The following LANCL2 variants were observed in gnomAD, a reference collection of about 807,000 sequenced individuals.
The protein encoded by LANCL2 is lanC-like protein 2.
In LANCL2, 33 loss-of-function variants were observed where a neutral mutation model predicts 56.9. That is an observed-to-expected ratio of 0.58 (90% CI 0.44 to 0.78). The LOEUF is 0.78. Ranked by LOEUF, LANCL2 falls within the 30% of genes least tolerant of loss-of-function variation. The probability of loss-of-function intolerance (pLI) is 0.00; values close to 1 mark genes in which losing one functional copy is unlikely to be tolerated. For synonymous variants in LANCL2, 233 were observed against 228.2 expected (o/e 1.02, Z -0.19); for missense variants, 562 against 580.2 (o/e 0.97, Z 0.32).
chr7:55,400,053 C>G lies in LANCL2; in HGVS notation c.627C>G (p.Tyr209Ter). ...GRAGYLYALL[Y>*]LNTEIGPGTV... ...CAGGTTATCTGTATGCCTTACTGTACCTGAACACAGAGATAGGTCCAGGCA... is the reference window on the plus strand; with the variant it reads ...CAGGTTATCTGTATGCCTTACTGTAGCTGAACACAGAGATAGGTCCAGGCA... The change falls in exon 4 of 9, where the codon TAC becomes TAG. Residue 209 changes from tyrosine to a stop codon, truncating the protein, a stop_gained. Coordinates refer to ENST00000254770, the MANE Select transcript of LANCL2 (RefSeq NM_018697.4). LOFTEE classifies it high-confidence loss of function. 6.2e-7 allele frequency: 1 copy of G among 1,613,358 alleles called. No individual in the cohort carries two copies.
At chr7:55,425,532 C>T in intron 7 of LANCL2, 102 bp downstream of exon 7, 3 of 1,098,744 alleles carry the variant, frequency 2.7e-6, no homozygotes, top group African/African-American at 3.1e-5. Flanking sequence ...ACCTGTTTCT[C>T]CCAGTTCTGT....
At chr7:55,431,202 G>A in intron 8 of LANCL2, 24 bp from the exon 9 acceptor site, 1 of 1,564,376 alleles carries the variant, frequency 6.4e-7, no homozygotes, top group Non-Finnish European at 8.8e-7. Flanking sequence ...CCATTCCTAA[G>A]AGGCTCCTCA....
chr7:55,386,306 G>A (rs898132045), intron 1 of LANCL2, among the ~76,000 whole-genome samples: 1 of 152,230 alleles, frequency 6.6e-6, no homozygotes, highest in African/African-American at 2.4e-5. Context: ...AGAGGTTGCA[G>A]TAAAGACAGG....
intron 1 of LANCL2, among the ~76,000 whole-genome samples, chr7:55,380,056 G>A (rs12216682): frequency 0.35 from 53,268 of 151,708 alleles, 9,744 homozygotes; most frequent in African/African-American, 0.42. Flanking sequence ...AGGAATTATC[G>A]TAATTTACTT....
chr7:55,424,582 T>C (rs1790642065), intron 6 of LANCL2, among the ~76,000 whole-genome samples: 1 of 152,248 alleles, frequency 6.6e-6, no homozygotes, highest in Non-Finnish European at 1.5e-5. Flanking sequence ...ACCAAAAAGA[T>C]ATGGCAGCTT....
intron 2 of LANCL2, among the ~76,000 whole-genome samples, chr7:55,395,170 AT>A (rs1790236367): frequency 6.6e-6 from 1 of 152,260 alleles, no homozygotes; most frequent in Non-Finnish European, 1.5e-5. Flanking sequence ...GATTTGTCCT[AT>A]TAATAGTTGA....
At chr7:55,367,426 G>A (rs902480800) in intron 1 of LANCL2, among the ~76,000 whole-genome samples, 3 of 152,186 alleles carry the variant, frequency 2.0e-5, no homozygotes, top group African/African-American at 7.2e-5. Context: ...CTTGAATGTG[G>A]TTAAAAACTC....
intron 1 of LANCL2, among the ~76,000 whole-genome samples, chr7:55,382,390 G>A (rs1293634140): frequency 6.6e-6 from 1 of 152,174 alleles, no homozygotes; most frequent in Admixed American, 6.6e-5. Flanking sequence ...GGGGAGTGGA[G>A]AAGACTGTCA....
intron 1 of LANCL2, among the ~76,000 whole-genome samples, chr7:55,370,688 T>G (rs1382021762): frequency 2.6e-5 from 4 of 152,202 alleles, no homozygotes; most frequent in Non-Finnish European, 5.9e-5. Flanking sequence ...ACTTTCATGG[T>G]CCTTGAAAGA....
intron 1 of LANCL2, among the ~76,000 whole-genome samples, chr7:55,366,758 T>C (rs1450749871): frequency 1.3e-5 from 2 of 152,210 alleles, no homozygotes; most frequent in African/African-American, 4.8e-5. Flanking sequence ...GAGCGTTACA[T>C]TGACATAAAA....
intron 1 of LANCL2, among the ~76,000 whole-genome samples, chr7:55,373,275 ATATTTATT>A (rs55805701): frequency 0.012 from 1,816 of 148,038 alleles, 21 homozygotes; most frequent in Middle Eastern, 0.038. Flanking sequence ...AATTTTTTAA[ATATTTATT>A]TATTTATTTA....
rs1264570890 is a variant in LANCL2, at chr7:55,365,932, C to G, written c.-94C>G. The G allele has an allele frequency of 2.9e-6, 3 of 1,037,382 alleles. No homozygotes were observed. Among genetic ancestry groups the G allele is most frequent in the African/African-American group, 1.7e-5 (1 of 58,688 alleles). The allele number at this position is 1,037,382 out of a possible 1,614,324, so 64.3% of individuals were successfully genotyped here. ...GGCCTCGCTCCTCCTAGAGGACGCT[C>G]TCTGCGCGGGCCCTCGGAGGAGGCG... On this transcript the variant is annotated 5_prime_UTR_variant, in exon 1 of 9. Coordinates refer to ENST00000254770, the MANE Select transcript of LANCL2 (RefSeq NM_018697.4).
intron 5 of LANCL2, 82 bp downstream of exon 5, chr7:55,401,402 G>A (rs1790323583): frequency 1.6e-6 from 2 of 1,271,920 alleles, no homozygotes; most frequent in African/African-American, 1.5e-5. Flanking sequence ...AAACAAAGCA[G>A]TCTGGATTGA....
At position 55,366,139 on chromosome 7, in the gene LANCL2, G is replaced by A; in HGVS notation, c.114G>A (p.Leu38=). The stretch of plus-strand genomic sequence containing the variant: ...ACTACGAGGCCGCCGCCGGGGCGCT[G>A]CTCGCCTCCGGAGCGGCCGAAGAGA... The part of the protein sequence containing the change: ...FPDYEAAAGA[L]LASGAAEETG... Residue 38 remains leucine (L), a synonymous_variant, in exon 1 of 9, where the codon CTG becomes CTA. Coordinates refer to ENST00000254770, the MANE Select transcript of LANCL2 (RefSeq NM_018697.4). 3.2e-6 allele frequency: 5 copies of A among 1,547,832 alleles called. No individual in the cohort carries two copies. The highest frequency in any genetic ancestry group is 4.4e-6 in the Non-Finnish European group (5 of 1,144,292).
chr7:55,373,584 G>A (rs1789969732), intron 1 of LANCL2, among the ~76,000 whole-genome samples: 1 of 152,184 alleles, frequency 6.6e-6, no homozygotes, highest in Non-Finnish European at 1.5e-5. Context: ...ACAGGTGCAA[G>A]CCATTGCACC....
chr7:55,389,080 T>C (rs556107498), intron 1 of LANCL2, among the ~76,000 whole-genome samples: 48 of 152,370 alleles, frequency 3.2e-4, no homozygotes, highest in South Asian at 1.7e-3. Context: ...CTGTCCTCCT[T>C]ATGCTGCTTT....
chr7:55,382,444 C>T (rs891724954), intron 1 of LANCL2, among the ~76,000 whole-genome samples: 1 of 152,168 alleles, frequency 6.6e-6, no homozygotes, highest in African/African-American at 2.4e-5. Context: ...ACAGAGCTGC[C>T]TTATCAAGAC....
intron 5 of LANCL2, among the ~76,000 whole-genome samples, chr7:55,407,367 G>A (rs552420493): frequency 1.3e-5 from 2 of 152,138 alleles, no homozygotes; most frequent in East Asian, 1.9e-4. Context: ...CACCCCACTC[G>A]GGGCTTGAAG....
chr7:55,395,033 G>C (rs1195200873), intron 2 of LANCL2, among the ~76,000 whole-genome samples: 2 of 152,038 alleles, frequency 1.3e-5, no homozygotes, highest in Non-Finnish European at 2.9e-5. Context: ...TACAAGGAAG[G>C]GTCTGAGAGT....
Sources: allele counts gnomAD v4.1 joint callset (sites outside exome capture counted in the v4.1 genomes callset), GRCh38; gene constraint gnomAD v4.1.1; transcripts MANE v1.5; gene names NCBI Gene and HGNC (gene_info 2026-07-23, HGNC 2026-07-21).